The following NLGN3 variants were observed in gnomAD, a reference collection of about 807,000 sequenced individuals.
The protein encoded by NLGN3 is neuroligin-3.
A neutral mutation model predicts 42.9 loss-of-function variants in NLGN3; 11 were observed. The observed-to-expected ratio is 0.26, with a 90% CI of 0.16 to 0.42. The LOEUF (loss-of-function observed/expected upper bound fraction) is 0.42, where lower values mean the gene tolerates loss of function less well. Among genes scored for constraint, NLGN3 ranks in the 10% least tolerant of loss-of-function variants. NLGN3 has a pLI of 1.00. For missense variants in NLGN3, 374 were observed against 733.8 expected (o/e 0.51, Z 5.67); for synonymous variants, 279 against 312.7 (o/e 0.89, Z 1.14).
chrX:71,166,327 G>A (rs1481188536), intron 6 of NLGN3, among the ~76,000 whole-genome samples: 2 of 110,219 alleles, frequency 1.8e-5, no homozygotes, highest in Non-Finnish European at 3.8e-5. Flanking sequence ...GTGGTGGCGG[G>A]TGCCTGTAAT....
At chrX:71,166,884 C>A in intron 6 of NLGN3, 127 bp from the exon 7 acceptor site, 2 of 605,216 alleles carry the variant, frequency 3.3e-6, no homozygotes, top group South Asian at 2.5e-5. Flanking sequence ...TCATCCCCTG[C>A]CAAAAGAGTT....
At chrX:71,153,377 C>A in intron 3 of NLGN3, 100 bp from the exon 4 acceptor site, 1 of 870,865 alleles carries the variant, frequency 1.1e-6, no homozygotes, top group Non-Finnish European at 1.7e-6. Flanking sequence ...AGGCCCGGAG[C>A]TGGCTTGCTG....
At chrX:71,171,466 A>G (rs748404102), downstream of NLGN3, among the ~76,000 whole-genome samples, 1 of 109,928 alleles carries the variant, frequency 9.1e-6, no homozygotes, top group East Asian at 2.9e-4. Flanking sequence ...GCCTCCTCTC[A>G]GCACTTCAGG....
intron 7 of NLGN3, among the ~76,000 whole-genome samples, chrX:71,168,824 A>AGAAAGAAAGAAAGAAAGAAC: frequency 2.2e-5 from 1 of 45,067 alleles, no homozygotes; most frequent in East Asian, 8.2e-4. Flanking sequence ...GAAAAAAAAA[A>AGAAAGAAAGAAAGAAAGAAC]GAAAGAAAGA....
Position 71,167,544 on chromosome X carries a change from T to C in NLGN3, c.1447T>C (p.Trp483Arg). Residue 483 changes from tryptophan to arginine, a missense_variant, in exon 7 of 8, where the codon TGG becomes CGG. By Grantham distance (101) the Trp-to-Arg change is moderately radical. Around this residue, in one of 6 missense-constraint regions of NLGN3, gnomAD observed 142 missense variants for 359.1 expected, o/e 0.40. Coordinates refer to ENST00000358741, the MANE Select transcript of NLGN3 (RefSeq NM_181303.2). ...TLVALFTDHQ[W>R]VEPSVVTADL... is the part of the protein sequence containing the mutation. The stretch of plus-strand genomic sequence containing the variant: ...GGTGGCACTCTTCACTGACCACCAG[T>C]GGGTGGAGCCCTCAGTGGTGACAGC... 8.3e-7 allele frequency: 1 copy of C among 1,211,622 alleles called. No homozygotes were observed.
chrX:71,163,162 G>A (rs893981018), intron 5 of NLGN3, among the ~76,000 whole-genome samples: 1 of 110,973 alleles, frequency 9.0e-6, no homozygotes, highest in African/African-American at 3.3e-5. Flanking sequence ...AATCCCAGCA[G>A]GTGGGTGGGA....
At chrX:71,168,496 C>T (rs1304937318) in intron 7 of NLGN3, among the ~76,000 whole-genome samples, 1 of 110,045 alleles carries the variant, frequency 9.1e-6, no homozygotes, top group Non-Finnish European at 1.9e-5. Context: ...TTTGGGAGGC[C>T]AAGGCAGGTG....
chrX:71,169,920 C>T lies in NLGN3; in HGVS notation c.2370C>T (p.Pro790=), dbSNP rs372131545. The T allele has an allele frequency of 5.2e-5, 62 of 1,199,648 alleles. No individual in the cohort carries two copies. In the Admixed American group the frequency reaches 1.1e-3, roughly 21 times the overall value. Residue 790 remains proline (P), a synonymous_variant, in exon 8 of 8, where the codon CCC becomes CCT. Coordinates refer to ENST00000358741, the MANE Select transcript of NLGN3 (RefSeq NM_181303.2). ...PHDTLRLTAL[P]DYTLTLRRSP... ...ACACGCTGCGCCTCACTGCATTGCC[C>T]GACTACACCCTGACCCTGCGGCGCT... is the stretch of plus-strand genomic sequence containing the variant.
In NLGN3 at chrX:71,156,310, CCTCA is replaced by C. The variant is rs776033293; in HGVS notation, c.727+950_727+953del. On this transcript the variant is annotated intron_variant, in intron 5 of 7. Transcript: ENST00000358741. Reference sequence around the variant, plus strand: ...CATCCACCTACCACACACACCTGTCCCTCACTATCTCCTCAGAAACACAAACAAA... The same window carrying C: ...CATCCACCTACCACACACACCTGTCCCTATCTCCTCAGAAACACAAACAAA... 7.3e-4 allele frequency among the ~76,000 whole-genome samples: 79 copies of C among 107,813 alleles called. 1 individual carries two copies. Among genetic ancestry groups the C allele is most frequent in the African/African-American group, 2.4e-3 (71 of 29,435 alleles). The allele number at this position is 107,813 out of a possible 115,157, so 93.6% of individuals were successfully genotyped here.
At chrX:71,154,742 G>A (rs1468658973) in intron 4 of NLGN3, among the ~76,000 whole-genome samples, 3 of 111,441 alleles carry the variant, frequency 2.7e-5, no homozygotes, top group African/African-American at 9.8e-5. Flanking sequence ...TGTCTGCACT[G>A]GGGGGCCAGC....
intron 5 of NLGN3, among the ~76,000 whole-genome samples, chrX:71,163,437 AG>A (rs2092436752): frequency 9.0e-6 from 1 of 111,300 alleles, no homozygotes; most frequent in Non-Finnish European, 1.9e-5. Flanking sequence ...CCTGAAAATG[AG>A]GGGAAGGGGG....
chrX:71,174,352 A>G (rs1001410422), downstream of NLGN3, among the ~76,000 whole-genome samples: 3 of 111,737 alleles, frequency 2.7e-5, no homozygotes, highest in Non-Finnish European at 5.6e-5. Context: ...AACCCCATGA[A>G]GAAGGGAAGA....
rs889600657 is a variant in NLGN3, at chrX:71,171,165, T to C, written c.*1068T>C. 2 of 750,764 alleles carry C rather than the reference T, an allele frequency of 2.7e-6. No homozygotes were observed. The highest frequency in any genetic ancestry group is 1.4e-4 in the South Asian group (2 of 14,627). 61.9% of individuals were successfully genotyped at this position (750,764 alleles called of 1,213,427 possible). ...TTGTAAAAATTTTAAACACAGTGTC[T>C]TGATATAAAAATAAAAAATCCAGTT... On this transcript the variant is annotated 3_prime_UTR_variant, in exon 8 of 8. Coordinates refer to ENST00000358741, the MANE Select transcript of NLGN3 (RefSeq NM_181303.2).
chrX:71,163,198 C>T (rs1286652894), intron 5 of NLGN3, among the ~76,000 whole-genome samples: 1 of 110,972 alleles, frequency 9.0e-6, no homozygotes, highest in Non-Finnish European at 1.9e-5. Flanking sequence ...TGACATGTCT[C>T]CTCAGCAGCA....
chrX:71,147,716 G>T lies in NLGN3; in HGVS notation c.-34G>T. ...ATTGGGCTGATGCTGTGACCCTGGA[G>T]TCTGCCTCTCCTGCCAGTCCCCCTG... On this transcript the variant is annotated 5_prime_UTR_variant, in exon 2 of 8. Transcript: ENST00000358741. 4 of 1,155,466 alleles carry T rather than the reference G, an allele frequency of 3.5e-6. No homozygotes were observed. Among genetic ancestry groups the T allele is most frequent in the Non-Finnish European group, 4.7e-6 (4 of 855,221 alleles).
chrX:71,170,452 C>T lies in NLGN3; in HGVS notation c.*355C>T. ...GCAACAGCTGGACACCCCCTTGGTGCTCGCCTTCGGCCTCTCTTGGAACTG... is the reference window on the plus strand; with the variant it reads ...GCAACAGCTGGACACCCCCTTGGTGTTCGCCTTCGGCCTCTCTTGGAACTG... On this transcript the variant is annotated 3_prime_UTR_variant, in exon 8 of 8. Coordinates refer to ENST00000358741, the MANE Select transcript of NLGN3 (RefSeq NM_181303.2). 1.1e-6 allele frequency: 1 copy of T among 925,194 alleles called. No homozygotes were observed. The highest frequency in any genetic ancestry group is 1.3e-6 in the Non-Finnish European group (1 of 742,716). 76.2% of individuals were successfully genotyped at this position (925,194 alleles called of 1,213,427 possible).
rs1320737858 is a variant in NLGN3, at chrX:71,146,158, CACACACACACACAG to C, written c.-201+1208_-201+1221del. 5.7e-3 allele frequency among the ~76,000 whole-genome samples: 183 copies of C among 32,087 alleles called. 2 individuals are homozygous for C. The highest frequency in any genetic ancestry group is 0.024 in the African/African-American group (155 of 6,398). 27.9% of individuals were successfully genotyped at this position (32,087 alleles called of 115,157 possible). A position where few individuals can be genotyped will look rare whatever the true frequency, so the allele number is the denominator to read the frequency against. On this transcript the variant is annotated intron_variant, in intron 1 of 7. Transcript: ENST00000358741. ...TCTCTCTCTCTCTCTCTCTCTCACA[CACACACACACACAG>C]ACACACACACACACACACACACACA...
chrX:71,159,184 G>A (rs2092420594), intron 5 of NLGN3, among the ~76,000 whole-genome samples: 1 of 110,657 alleles, frequency 9.0e-6, no homozygotes, highest in Non-Finnish European at 1.9e-5. Flanking sequence ...AGCTGGGCAT[G>A]GTGGCATGCG....
intron 5 of NLGN3, among the ~76,000 whole-genome samples, chrX:71,161,768 CCTT>C (rs1471212102): frequency 4.5e-5 from 5 of 111,393 alleles, no homozygotes; most frequent in Non-Finnish European, 5.7e-5. Flanking sequence ...GAGTGAAACT[CCTT>C]CTAAAAAAAA....
Sources: gnomAD v4.1 joint callset for allele counts (sites outside exome capture counted in the v4.1 genomes callset) on GRCh38, gnomAD v4.1.1 for gene constraint, gnomAD v4.1.1 regional missense constraint, MANE v1.5 for transcripts, NCBI Gene and HGNC (gene_info 2026-07-23, HGNC 2026-07-21) for gene names.